Variants in NELL2 observed in about 807,000 individuals in gnomAD.
NELL2 encodes the protein neural EGFL like 2, also known as protein kinase C-binding protein NELL2.
Under a neutral mutation model 109.6 loss-of-function variants are expected in NELL2, and 41 were observed. The ratio of observed to expected loss-of-function variants is 0.37; its 90% confidence interval spans 0.29 to 0.49. NELL2 has a LOEUF of 0.49. Among genes scored for constraint, NELL2 ranks in the 20% least tolerant of loss-of-function variants. The pLI is 0.98. For missense variants in NELL2, 900 were observed against 1,008.3 expected, an observed-to-expected ratio of 0.89 and a Z score of 1.45; for synonymous variants, 355 against 344.7, an observed-to-expected ratio of 1.03 and a Z score of -0.33.
chr12:44,765,314 A>T (rs1806319130), intron 9 of NELL2, among the ~76,000 whole-genome samples: 2 of 152,194 alleles, frequency 1.3e-5, no homozygotes, highest in South Asian at 4.1e-4. Context: ...AATTTGCAAT[A>T]ATATTGATAA....
At chr12:44,541,107 C>T (rs1169717067) in intron 15 of NELL2, among the ~76,000 whole-genome samples, 1 of 151,062 alleles carries the variant, frequency 6.6e-6, no homozygotes, top group Non-Finnish European at 1.5e-5. Flanking sequence ...AAAAATTAGC[C>T]AGGTGTGGTG....
chr12:44,520,103 C>T lies in NELL2; in HGVS notation c.2302G>A (p.Asp768Asn). Residue 768 changes from aspartate to asparagine, a missense_variant, in exon 19 of 20, where the codon GAC becomes AAC. Physicochemically the swap from Asp to Asn is conservative, Grantham distance 23. Around this residue, in one of 4 missense-constraint regions of NELL2, gnomAD observed 333 missense variants for 432.3 expected, o/e 0.77. Transcript: ENST00000429094. Reference protein sequence around the residue: ...DPCQADTIRNDITKTCLDEMN... With the variant: ...DPCQADTIRNNITKTCLDEMN... ...TCGTCCAGGCAAGTCTTGGTGATGT[C>T]ATTGCGGATGGTGTCAGCCTGGCAA... 2 of 1,614,132 alleles carry T rather than the reference C, an allele frequency of 1.2e-6. No homozygotes were observed. Among genetic ancestry groups the T allele is most frequent in the Non-Finnish European group, 1.7e-6 (2 of 1,180,028 alleles).
At chr12:44,652,771 T>C (rs1018585427) in intron 13 of NELL2, among the ~76,000 whole-genome samples, 11 of 152,200 alleles carry the variant, frequency 7.2e-5, no homozygotes, top group Non-Finnish European at 1.2e-4. Context: ...CCAACATACA[T>C]CTACCAGGCT....
chr12:44,553,862 T>G (rs1471444227), intron 15 of NELL2, among the ~76,000 whole-genome samples: 5 of 152,066 alleles, frequency 3.3e-5, no homozygotes, highest in Non-Finnish European at 5.9e-5. Flanking sequence ...TATCAACACA[T>G]TATTCCACAC....
intron 18 of NELL2, among the ~76,000 whole-genome samples, chr12:44,520,680 G>A (rs1402253264): frequency 6.6e-6 from 1 of 151,868 alleles, no homozygotes; most frequent in Non-Finnish European, 1.5e-5. Context: ...AAAATATGAA[G>A]GCAATATGAT....
intron 14 of NELL2, among the ~76,000 whole-genome samples, chr12:44,610,047 G>A (rs552282777): frequency 2.6e-5 from 4 of 151,856 alleles, no homozygotes; most frequent in African/African-American, 9.7e-5. Flanking sequence ...GGGAAAAGGC[G>A]AGTTAATGGA....
intron 3 of NELL2, among the ~76,000 whole-genome samples, chr12:44,809,756 C>A (rs1864640373): frequency 6.6e-6 from 1 of 151,994 alleles, no homozygotes; most frequent in South Asian, 2.1e-4. Flanking sequence ...GACTGAAGCC[C>A]TCTTCTTAAT....
intron 3 of NELL2, among the ~76,000 whole-genome samples, chr12:44,810,837 C>T (rs899294902): frequency 6.6e-6 from 1 of 151,906 alleles, no homozygotes; most frequent in African/African-American, 2.4e-5. Flanking sequence ...GGATGTATTA[C>T]CAATTTTTTA....
intron 19 of NELL2, among the ~76,000 whole-genome samples, chr12:44,513,251 C>A (rs986534455): frequency 1.3e-5 from 2 of 151,960 alleles, no homozygotes; most frequent in African/African-American, 4.8e-5. Context: ...GTAAAGCCAA[C>A]CTCTAATAAG....
At chr12:44,814,438 G>T (rs560646619) in intron 3 of NELL2, among the ~76,000 whole-genome samples, 1 of 152,274 alleles carries the variant, frequency 6.6e-6, no homozygotes, top group Non-Finnish European at 1.5e-5. Flanking sequence ...AAAGCTCAAT[G>T]GACATGGGCA....
intron 8 of NELL2, among the ~76,000 whole-genome samples, chr12:44,775,255 G>GCACA (rs146916774): frequency 2.0e-5 from 3 of 149,684 alleles, no homozygotes; most frequent in African/African-American, 7.5e-5. Flanking sequence ...GCGTGCGCAC[G>GCACA]CACACACACA....
chr12:44,823,674 A>G (rs1943613946), intron 2 of NELL2, among the ~76,000 whole-genome samples: 1 of 152,202 alleles, frequency 6.6e-6, no homozygotes, highest in African/African-American at 2.4e-5. Flanking sequence ...TAGCTTGGGT[A>G]GTGTCAATAA....
intron 9 of NELL2, among the ~76,000 whole-genome samples, chr12:44,723,016 G>A (rs1435015629): frequency 3.9e-5 from 6 of 152,076 alleles, no homozygotes; most frequent in Admixed American, 3.3e-4. Context: ...GTGAAACCCC[G>A]TCTCTACTAA....
intron 1 of NELL2, among the ~76,000 whole-genome samples, chr12:44,911,945 T>A (rs1945784492): frequency 6.6e-6 from 1 of 151,226 alleles, no homozygotes. Flanking sequence ...GTTGTGCACA[T>A]GTACCCTAAA....
chr12:44,824,676 TA>T (rs2136705220), intron 2 of NELL2, among the ~76,000 whole-genome samples: 1 of 109,148 alleles, frequency 9.2e-6, no homozygotes, highest in South Asian at 3.1e-4. Context: ...TTTATTTATT[TA>T]TTTATTTATT....
At chr12:44,869,684 C>T (rs950288992) in intron 2 of NELL2, among the ~76,000 whole-genome samples, 1 of 152,118 alleles carries the variant, frequency 6.6e-6, no homozygotes, top group African/African-American at 2.4e-5. Context: ...ATCTATGAGT[C>T]ATATGTTCTT....
intron 15 of NELL2, among the ~76,000 whole-genome samples, chr12:44,566,402 G>C (rs1943659319): frequency 6.6e-6 from 1 of 152,192 alleles, no homozygotes; most frequent in South Asian, 2.1e-4. Context: ...AACTCAGGGA[G>C]AAGAAATGGC....
In NELL2 at chr12:44,818,970, C is replaced by T. The variant is rs866555819; in HGVS notation, c.185-2834G>A. 9.9e-5 allele frequency among the ~76,000 whole-genome samples: 15 copies of T among 151,706 alleles called. No individual in the cohort carries two copies. In the South Asian group the frequency reaches 2.7e-3, roughly 27 times the overall value. ...TGTTAGCCAGGATGGTCTCGATCTC[C>T]TGACCTCATGATCCACCCGCCTCGG... is the stretch of plus-strand genomic sequence containing the variant. On this transcript the variant is annotated intron_variant, in intron 2 of 19. Transcript: ENST00000429094.
intron 2 of NELL2, among the ~76,000 whole-genome samples, chr12:44,868,391 T>C (rs555255848): frequency 1.3e-5 from 2 of 152,300 alleles, no homozygotes; most frequent in East Asian, 3.9e-4. Flanking sequence ...CTGCGACCCT[T>C]ATTAAAATTC....
Sources: gnomAD v4.1 joint callset for allele counts (sites outside exome capture counted in the v4.1 genomes callset) on GRCh38, gnomAD v4.1.1 for gene constraint, gnomAD v4.1.1 regional missense constraint, MANE v1.5 for transcripts, NCBI Gene and HGNC (gene_info 2026-07-23, HGNC 2026-07-21) for gene names.